APBA2: variants seen among roughly 807,000 people sequenced by gnomAD.
APBA2 encodes the protein amyloid beta precursor protein binding family A member 2.
In APBA2, 30 loss-of-function variants were observed where a neutral mutation model predicts 75.0. That is an observed-to-expected ratio of 0.40 (90% CI 0.30 to 0.54). The LOEUF is 0.54. Among genes scored for constraint, APBA2 ranks in the 20% least tolerant of loss-of-function variants. APBA2 has a pLI of 0.49. For synonymous variants in APBA2, 444 were observed against 409.6 expected, an observed-to-expected ratio of 1.08 and a Z score of -1.01; for missense variants, 801 against 1,016.1, an observed-to-expected ratio of 0.79 and a Z score of 2.88.
At chr15:29,038,971 G>A (rs370117853) in intron 3 of APBA2, among the ~76,000 whole-genome samples, 4 of 152,026 alleles carry the variant, frequency 2.6e-5, no homozygotes, top group East Asian at 1.9e-4. Flanking sequence ...TACGCCTGGC[G>A]CATGCATTTT....
intron 1 of APBA2, among the ~76,000 whole-genome samples, chr15:28,892,117 C>T (rs2032170987): frequency 6.6e-6 from 1 of 152,140 alleles, no homozygotes; most frequent in African/African-American, 2.4e-5. Flanking sequence ...CCCTGTCACC[C>T]AGGCTGGAGT....
chr15:28,908,125 G>A (rs946423932), intron 1 of APBA2, among the ~76,000 whole-genome samples: 3 of 152,128 alleles, frequency 2.0e-5, no homozygotes, highest in African/African-American at 7.2e-5. Context: ...TCCCTGAGCT[G>A]TTTGTGGTGT....
intron 3 of APBA2, among the ~76,000 whole-genome samples, chr15:29,014,078 TATC>T (rs1194061375): frequency 6.6e-6 from 1 of 152,268 alleles, no homozygotes; most frequent in Non-Finnish European, 1.5e-5. Flanking sequence ...CCTTGTGCTT[TATC>T]ATCATCCAGG....
chr15:29,017,397 CTTTTTTTT>C (rs56993296), intron 3 of APBA2, among the ~76,000 whole-genome samples: 17 of 102,058 alleles, frequency 1.7e-4, no homozygotes, highest in Non-Finnish European at 2.4e-4. Context: ...TTCTTTCTTT[CTTTTTTTT>C]TTTTTTTTTT....
At chr15:29,075,118 G>A in intron 5 of APBA2, 117 bp downstream of exon 5, 2 of 837,538 alleles carry the variant, frequency 2.4e-6, no homozygotes, top group South Asian at 2.9e-5. Context: ...CCCGGTGCCT[G>A]GGGGAGAGGG....
chr15:29,001,699 C>T (rs1049386807), intron 3 of APBA2, among the ~76,000 whole-genome samples: 1 of 152,226 alleles, frequency 6.6e-6, no homozygotes, highest in African/African-American at 2.4e-5. Flanking sequence ...TTACTATTTG[C>T]TTGCAGACTT....
intron 3 of APBA2, among the ~76,000 whole-genome samples, chr15:29,035,337 G>T (rs1181213288): frequency 6.6e-6 from 1 of 152,198 alleles, no homozygotes; most frequent in African/African-American, 2.4e-5. Flanking sequence ...AATAGATTCA[G>T]GAACAGCCTG....
At chr15:29,109,656 C>T (rs1199977312) in intron 13 of APBA2, among the ~76,000 whole-genome samples, 1 of 152,166 alleles carries the variant, frequency 6.6e-6, no homozygotes, top group Non-Finnish European at 1.5e-5. Context: ...AGCCACGGAC[C>T]CATGGGGAGG....
intron 2 of APBA2, among the ~76,000 whole-genome samples, chr15:28,987,976 C>T (rs1192551082): frequency 6.6e-6 from 1 of 151,554 alleles, no homozygotes; most frequent in African/African-American, 2.4e-5. Context: ...AGGCTGGTCT[C>T]GAATTCCTGA....
At chr15:28,915,484 C>T (rs1206040795) in intron 1 of APBA2, among the ~76,000 whole-genome samples, 1 of 149,912 alleles carries the variant, frequency 6.7e-6, no homozygotes, top group African/African-American at 2.5e-5. Flanking sequence ...CATACACACC[C>T]CATACACACC....
At chr15:29,076,888 A>G (rs527752979) in intron 6 of APBA2, among the ~76,000 whole-genome samples, 1 of 152,324 alleles carries the variant, frequency 6.6e-6, no homozygotes, top group Admixed American at 6.5e-5. Flanking sequence ...TTTTTTAGCA[A>G]ACAACTAAAG....
Position 29,054,981 on chromosome 15 carries a change from C to T in APBA2, c.951+146C>T. ...AATGGTGGCTGAGCTCTTCATTGGTCCAGTTGGGAGACATGTTGCGTGGAT... is the reference window on the plus strand; with the variant it reads ...AATGGTGGCTGAGCTCTTCATTGGTTCAGTTGGGAGACATGTTGCGTGGAT... On this transcript the variant is annotated intron_variant, in intron 4 of 14. Coordinates refer to ENST00000683413, the MANE Select transcript of APBA2 (RefSeq NM_001353788.2). The surrounding 1 kb of genome is among the most constrained non-coding windows in gnomAD (Gnocchi z 6.1). The T allele has an allele frequency of 1.3e-6, 1 of 785,666 alleles. No individual in the cohort carries two copies. The allele number at this position is 785,666 out of a possible 1,614,324, so 48.7% of individuals were successfully genotyped here.
intron 3 of APBA2, among the ~76,000 whole-genome samples, chr15:29,041,548 A>G (rs2041046970): frequency 1.3e-5 from 2 of 151,970 alleles, no homozygotes; most frequent in South Asian, 4.2e-4. Flanking sequence ...CCCCCAAAAA[A>G]GAAAGAACTA....
chr15:28,899,498 G>A (rs913920551), intron 1 of APBA2, among the ~76,000 whole-genome samples: 5 of 152,248 alleles, frequency 3.3e-5, no homozygotes, highest in Non-Finnish European at 5.9e-5. Context: ...CAGCCATGGC[G>A]TGGGTTCACC....
chr15:28,889,672 C>G (rs929420680), intron 1 of APBA2, among the ~76,000 whole-genome samples: 1 of 152,206 alleles, frequency 6.6e-6, no homozygotes, highest in Non-Finnish European at 1.5e-5. Context: ...GGCTCTTTCC[C>G]TCTTATTCCT....
chr15:29,036,697 C>T (rs2040770425), intron 3 of APBA2, among the ~76,000 whole-genome samples: 1 of 152,208 alleles, frequency 6.6e-6, no homozygotes, highest in African/African-American at 2.4e-5. Context: ...TTCCCTGCTT[C>T]TTACAGTGGT....
intron 2 of APBA2, among the ~76,000 whole-genome samples, chr15:28,939,321 G>A (rs2035055333): frequency 6.6e-6 from 1 of 152,198 alleles, no homozygotes; most frequent in Non-Finnish European, 1.5e-5. Flanking sequence ...GTGAACAGGG[G>A]TGTACAGATG....
chr15:28,957,343 G>A (rs757583942), intron 2 of APBA2, among the ~76,000 whole-genome samples: 64 of 152,252 alleles, frequency 4.2e-4, no homozygotes, highest in Middle Eastern at 3.4e-3. Context: ...CCAAAGTGCT[G>A]GGATTGATTA....
chr15:29,069,231 A>G (rs1316631035), intron 4 of APBA2, among the ~76,000 whole-genome samples: 1 of 152,122 alleles, frequency 6.6e-6, no homozygotes, highest in Non-Finnish European at 1.5e-5. Flanking sequence ...CTGAATGGCT[A>G]TTTTACATTT....
Sources: gnomAD v4.1 joint callset for allele counts (sites outside exome capture counted in the v4.1 genomes callset) on GRCh38, gnomAD v4.1.1 for gene constraint, Gnocchi (gnomAD v3.1) non-coding constraint, MANE v1.5 for transcripts, NCBI Gene and HGNC (gene_info 2026-07-23, HGNC 2026-07-21) for gene names.